DST: variants seen among roughly 807,000 people sequenced by gnomAD.
DST encodes the protein dystonin.
A neutral mutation model predicts 875.2 loss-of-function variants in DST; 253 were observed. That is an observed-to-expected ratio of 0.29 (90% CI 0.26 to 0.32). The LOEUF (loss-of-function observed/expected upper bound fraction) is 0.32, where lower values mean the gene tolerates loss of function less well. Ranked by LOEUF, DST falls within the 10% of genes least tolerant of loss-of-function variation. The pLI is 1.00. For missense variants in DST, 8,287 were observed against 9,111.6 expected (o/e 0.91, Z 3.68); for synonymous variants, 3,124 against 3,197.1 (o/e 0.98, Z 0.77).
intron 85 of DST, among the ~76,000 whole-genome samples, chr6:56,490,066 T>C (rs895392143): frequency 6.6e-6 from 1 of 152,122 alleles, no homozygotes; most frequent in African/African-American, 2.4e-5. Context: ...GGGGTAAGTA[T>C]AAAGCTTGTA....
chr6:56,642,469 G>T lies in DST; in HGVS notation c.1813C>A (p.Gln605Lys). ...TCTTCACAGATGACACTGTCCCTCT[G>T]AACTCTGTTGGCAATCTGTTGCAAC... ...EMLQQIANRV[Q>K]RDSVICEDKL... The change falls in exon 16 of 104, where the codon CAG becomes AAG. Residue 605 changes from glutamine to lysine, a missense_variant. Physicochemically the swap from Gln to Lys is moderately conservative, Grantham distance 53 (BLOSUM62 1). Coordinates refer to ENST00000680361, the MANE Select transcript of DST (RefSeq NM_001374736.1). 1 of 1,613,708 alleles carries T rather than the reference G, an allele frequency of 6.2e-7. No individual in the cohort carries two copies. The highest frequency in any genetic ancestry group is 1.7e-5 in the Admixed American group (1 of 60,014).
chr6:56,533,219 TTTCAAAG>T (rs1300393640), intron 63 of DST, among the ~76,000 whole-genome samples: 1 of 152,250 alleles, frequency 6.6e-6, no homozygotes, highest in African/African-American at 2.4e-5. Flanking sequence ...TAATTAAACA[TTTCAAAG>T]CACCTGAAAT....
intron 12 of DST, among the ~76,000 whole-genome samples, chr6:56,649,428 G>A (rs2098961857): frequency 6.6e-6 from 1 of 152,212 alleles, no homozygotes; most frequent in Non-Finnish European, 1.5e-5. Flanking sequence ...ATTAAGTGTT[G>A]AAATGTTGAA....
At chr6:56,815,185 T>C (rs2153040763) in intron 4 of DST, among the ~76,000 whole-genome samples, 1 of 152,174 alleles carries the variant, frequency 6.6e-6, no homozygotes, top group African/African-American at 2.4e-5. Context: ...AAGCAGAAAG[T>C]TTTACAGAAA....
intron 3 of DST, among the ~76,000 whole-genome samples, chr6:56,900,065 G>A (rs1198720139): frequency 6.6e-6 from 1 of 152,126 alleles, no homozygotes; most frequent in Non-Finnish European, 1.5e-5. Flanking sequence ...TCCTGACACT[G>A]GTTTTGTTGT....
chr6:56,836,885 C>T (rs1269655354), intron 4 of DST, among the ~76,000 whole-genome samples: 24 of 114,774 alleles, frequency 2.1e-4, no homozygotes, highest in Non-Finnish European at 2.7e-4. Flanking sequence ...AGAAAATAAA[C>T]AAAGAAAAAA....
At position 56,779,268 on chromosome 6, in the gene DST, T is replaced by C. The variant is rs143895862; in HGVS notation, c.626-43979A>G. On this transcript the variant is annotated intron_variant, in intron 4 of 103. Coordinates refer to ENST00000680361, the MANE Select transcript of DST (RefSeq NM_001374736.1). ...CCTGTAAATTTGCTGGAGTTCATTG[T>C]AGATTCTGGATATTAGCCCTTTGTC... Among the ~76,000 whole-genome samples the C allele has an allele frequency of 7.4e-3, 1,123 of 152,250 alleles. 6 individuals carry two copies. Among genetic ancestry groups the C allele is most frequent in the Non-Finnish European group, 0.011 (721 of 68,022 alleles).
At chr6:56,944,375 G>A (rs1592792271) in intron 2 of DST, among the ~76,000 whole-genome samples, 1 of 151,642 alleles carries the variant, frequency 6.6e-6, no homozygotes, top group East Asian at 1.9e-4. Flanking sequence ...ACACTAAATT[G>A]TTACTACGAG....
chr6:56,577,469 G>T (rs921772949), intron 50 of DST, among the ~76,000 whole-genome samples: 3 of 152,098 alleles, frequency 2.0e-5, no homozygotes, highest in African/African-American at 7.2e-5. Flanking sequence ...GAATAATACA[G>T]TAATATGTTC....
At chr6:56,656,456 C>T (rs1417218965) in intron 10 of DST, among the ~76,000 whole-genome samples, 5 of 152,146 alleles carry the variant, frequency 3.3e-5, no homozygotes, top group Admixed American at 6.5e-5. Context: ...ACAACAGGGA[C>T]TAATAAATAC....
In DST at chr6:56,620,385, CCCGCT is replaced by C. The variant is rs2098678320; in HGVS notation, c.4929+4140_4929+4144del. The C allele has an allele frequency of 9.9e-6, 16 of 1,614,182 alleles. No individual in the cohort carries two copies. The highest frequency in any genetic ancestry group is 1.3e-5 in the Non-Finnish European group (15 of 1,180,028). ...TCGGCCTCTATGGTGAGCTGCCTCA[CCCGCT>C]CCAGTTCTCTTTCAGCGGCTTCCTT... On this transcript the variant is annotated intron_variant, in intron 36 of 103. Transcript: ENST00000680361.
rs764679253 is a variant in DST, at chr6:56,619,064, T to C, written c.4930-4580A>G. 1.5e-5 allele frequency: 25 copies of C among 1,614,038 alleles called. No homozygotes were observed. Among genetic ancestry groups the C allele is most frequent in the Middle Eastern group, 3.3e-4 (2 of 6,084 alleles). ...TTGCTTAAATTCACTTACCAAATTT[T>C]GACTTTTCGCCAGGTCTTCTTCTAG... On this transcript the variant is annotated intron_variant, in intron 36 of 103. Transcript: ENST00000680361.
chr6:56,608,407 C>T lies in DST; in HGVS notation c.6221G>A (p.Trp2074Ter). Residue 2074 changes from tryptophan (W) to a stop codon, truncating the protein, a stop_gained, in exon 40 of 104, where the codon TGG becomes TAG. Transcript: ENST00000680361. LOFTEE classifies it high-confidence loss of function. ...GGGAAATATTTCACCAGAATGGGGC[C>T]AAATGAGTCCAACATAGCCTCGCTG... is the stretch of plus-strand genomic sequence containing the variant. Reference protein sequence around the residue: ...EAQRGYVGLIWPHSGEIFPTS... With the variant: ...EAQRGYVGLI 1.2e-6 allele frequency: 2 copies of T among 1,613,510 alleles called. No individual in the cohort carries two copies.
intron 50 of DST, among the ~76,000 whole-genome samples, chr6:56,575,928 TC>T (rs1283267520): frequency 6.6e-6 from 1 of 152,056 alleles, no homozygotes; most frequent in African/African-American, 2.4e-5. Flanking sequence ...CCTGGTGGCC[TC>T]CTGGATAGTC....
At chr6:56,783,295 C>T (rs2099698090) in intron 4 of DST, among the ~76,000 whole-genome samples, 1 of 152,124 alleles carries the variant, frequency 6.6e-6, no homozygotes. Context: ...CTTTCTGTCT[C>T]ATTGATCTGT....
At position 56,606,979 on chromosome 6, in the gene DST, T is replaced by A. The variant is rs1287388432; in HGVS notation, c.7649A>T (p.Asp2550Val). The change falls in exon 40 of 104, where the codon GAT becomes GTT. Residue 2550 changes from aspartate to valine, a missense_variant. Physicochemically the swap from Asp to Val is radical, Grantham distance 152. Transcript: ENST00000680361. ...GFQQMPEDKE[D>V]ESEIEEYSCA... The stretch of plus-strand genomic sequence containing the variant: ...GGAATACTCTTCTATTTCAGACTCA[T>A]CTTCCTTGTCTTCAGGCATCTGCTG... 1.2e-6 allele frequency: 2 copies of A among 1,613,506 alleles called. No individual in the cohort carries two copies.
At chr6:56,838,793 T>C (rs1334353698) in intron 4 of DST, among the ~76,000 whole-genome samples, 1 of 152,252 alleles carries the variant, frequency 6.6e-6, no homozygotes, top group African/African-American at 2.4e-5. Context: ...TTGGTGAGAA[T>C]GACTTTTCAA....
chr6:56,779,131 C>T (rs978448028), intron 4 of DST, among the ~76,000 whole-genome samples: 1 of 152,032 alleles, frequency 6.6e-6, no homozygotes, highest in African/African-American at 2.4e-5. Context: ...TCTCTGATGG[C>T]CAGTGATGAT....
At position 56,632,052 on chromosome 6, in the gene DST, AAT is replaced by A. The variant is rs770100982; in HGVS notation, c.3806-14_3806-13del. On this transcript the variant is annotated splice_polypyrimidine_tract_variant and intron_variant, in intron 28 of 103. Coordinates refer to ENST00000680361, the MANE Select transcript of DST (RefSeq NM_001374736.1). ...TTCCTCTTGCTCCTCTGTGAAAATA[AAT>A]ATGTTTAGAAAATACCTTGTTTTCT... is the stretch of plus-strand genomic sequence containing the variant. 6.9e-6 allele frequency: 11 copies of A among 1,604,708 alleles called. No homozygotes were observed. Among genetic ancestry groups the A allele is most frequent in the South Asian group, 6.6e-5 (6 of 90,822 alleles).
Sources: gnomAD v4.1 joint callset for allele counts (sites outside exome capture counted in the v4.1 genomes callset) on GRCh38, gnomAD v4.1.1 for gene constraint, MANE v1.5 for transcripts, NCBI Gene and HGNC (gene_info 2026-07-23, HGNC 2026-07-21) for gene names.